The following APBB1IP variants were observed in gnomAD, a reference collection of about 807,000 sequenced individuals.
APBB1IP encodes amyloid beta A4 precursor protein-binding family B member 1-interacting protein.
A neutral mutation model predicts 64.9 loss-of-function variants in APBB1IP; 27 were observed. The observed-to-expected ratio is 0.42, with a 90% CI of 0.31 to 0.57. APBB1IP has a LOEUF of 0.57. APBB1IP is among the 20% of genes least tolerant of loss of function. APBB1IP has a pLI of 0.20. For synonymous variants in APBB1IP, 392 were observed against 331.0 expected, an observed-to-expected ratio of 1.18 and a Z score of -2.00; for missense variants, 812 against 845.5, an observed-to-expected ratio of 0.96 and a Z score of 0.49.
At chr10:26,501,261 C>CGGT in intron 5 of APBB1IP, 150 bp downstream of exon 5, 1 of 1,154,198 alleles carries the variant, frequency 8.7e-7, no homozygotes, top group Non-Finnish European at 1.2e-6. Flanking sequence ...CATTGCAAAG[C>CGGT]TAGAACCCTC....
At chr10:26,504,857 C>T (rs1836154941) in intron 6 of APBB1IP, among the ~76,000 whole-genome samples, 5 of 152,172 alleles carry the variant, frequency 3.3e-5, no homozygotes, top group Admixed American at 3.3e-4. Context: ...TGGGGTCAAG[C>T]AATCCTCCTC....
At chr10:26,545,672 A>G (rs1406597781) in intron 11 of APBB1IP, among the ~76,000 whole-genome samples, 2 of 151,944 alleles carry the variant, frequency 1.3e-5, no homozygotes, top group Admixed American at 6.5e-5. Context: ...AGGCAGGAGA[A>G]TGGCGTGAAC....
At chr10:26,496,490 A>G in intron 4 of APBB1IP, 99 bp downstream of exon 4, 1 of 913,694 alleles carries the variant, frequency 1.1e-6, no homozygotes, top group South Asian at 1.6e-5. Context: ...AAGGAACCTA[A>G]ACATCATGAT....
intron 8 of APBB1IP, among the ~76,000 whole-genome samples, chr10:26,522,816 A>G (rs1836419253): frequency 6.6e-6 from 1 of 152,068 alleles, no homozygotes; most frequent in African/African-American, 2.4e-5. Flanking sequence ...CCTGGCCAAC[A>G]TGATGAAACC....
intron 6 of APBB1IP, among the ~76,000 whole-genome samples, chr10:26,511,091 C>T (rs966823602): frequency 4.6e-5 from 7 of 151,892 alleles, no homozygotes; most frequent in Non-Finnish European, 7.4e-5. Flanking sequence ...CTGTGATCCC[C>T]GCACTTTGAG....
chr10:26,540,829 A>G (rs72805207), intron 10 of APBB1IP, among the ~76,000 whole-genome samples: 15 of 152,366 alleles, frequency 9.8e-5, no homozygotes, highest in Admixed American at 5.2e-4. Flanking sequence ...TGCCTGCAGT[A>G]AAGAGAACTT....
intron 2 of APBB1IP, among the ~76,000 whole-genome samples, chr10:26,450,950 C>T (rs566951856): frequency 2.7e-4 from 41 of 152,226 alleles, no homozygotes; most frequent in South Asian, 1.0e-3. Context: ...CCCGCCTCGT[C>T]CTCCCAAAGT....
intron 8 of APBB1IP, among the ~76,000 whole-genome samples, chr10:26,531,410 G>A (rs961816794): frequency 6.6e-6 from 1 of 152,114 alleles, no homozygotes; most frequent in Admixed American, 6.6e-5. Flanking sequence ...GCTCATGCCT[G>A]TAATCCCAGC....
chr10:26,526,842 A>G (rs1404822784), intron 8 of APBB1IP, among the ~76,000 whole-genome samples: 1 of 152,204 alleles, frequency 6.6e-6, no homozygotes, highest in Admixed American at 6.6e-5. Context: ...ATCACTATTG[A>G]TATTTTAGGC....
At chr10:26,508,218 C>CTATTTG (rs1433857262) in intron 6 of APBB1IP, among the ~76,000 whole-genome samples, 15 of 152,218 alleles carry the variant, frequency 9.9e-5, no homozygotes, top group Admixed American at 3.9e-4. Context: ...ATACTTTGCC[C>CTATTTG]TCAAGTATTC....
Position 26,567,293 on chromosome 10 carries a change from G to A in APBB1IP, c.1806G>A (p.Pro602=), listed in dbSNP as rs1005531139. 2.8e-6 allele frequency: 3 copies of A among 1,080,940 alleles called. No individual in the cohort carries two copies. The highest frequency in any genetic ancestry group is 1.8e-5 in the African/African-American group (1 of 56,852). The allele number at this position is 1,080,940 out of a possible 1,614,324, so 67.0% of individuals were successfully genotyped here. The change falls in exon 15 of 15, where the codon CCG becomes CCA. Residue 602 remains proline, a synonymous_variant. Transcript: ENST00000376236. ...GIAGSELPPP[P]PPPPAPAPAP... ...CGGGCTCAGAGCTGCCCCCGCCGCC[G>A]CCGCCGCCGCCCGCGCCCGCGCCCG...
chr10:26,517,234 G>T (rs1426863447), intron 8 of APBB1IP, among the ~76,000 whole-genome samples: 1 of 152,024 alleles, frequency 6.6e-6, no homozygotes, highest in African/African-American at 2.4e-5. Flanking sequence ...ATATCATAAT[G>T]GTACACTCTG....
At chr10:26,443,506 A>G (rs1835359256) in intron 2 of APBB1IP, among the ~76,000 whole-genome samples, 1 of 151,762 alleles carries the variant, frequency 6.6e-6, no homozygotes, top group Admixed American at 6.6e-5. Flanking sequence ...GAAAAAAAGA[A>G]TATGTAACTT....
rs56982662 is a variant in APBB1IP, at chr10:26,524,955, C to CTTTTTTTTT, written c.814-8473_814-8465dup. Among the ~76,000 whole-genome samples, 61 of 73,916 alleles carry CTTTTTTTTT rather than the reference C, an allele frequency of 8.3e-4. 3 individuals are homozygous for CTTTTTTTTT. The South Asian group carries it at 0.011, about 13-fold the overall frequency. The allele number at this position is 73,916 out of a possible 152,430, so 48.5% of individuals were successfully genotyped here. On this transcript the variant is annotated intron_variant, in intron 8 of 14. Coordinates refer to ENST00000376236, the MANE Select transcript of APBB1IP (RefSeq NM_019043.4). ...TCTTTTTCTTTCTCTTTCTTTCTTTCTTTTTTTTTTTTTTTTTTTATAAAA... is the reference window on the plus strand; with the variant it reads ...TCTTTTTCTTTCTCTTTCTTTCTTTCTTTTTTTTTTTTTTTTTTTTTTTTTTTTATAAAA...
chr10:26,505,549 T>G (rs915905794), intron 6 of APBB1IP, among the ~76,000 whole-genome samples: 2 of 152,136 alleles, frequency 1.3e-5, no homozygotes, highest in African/African-American at 2.4e-5. Context: ...CTCACTATGT[T>G]GCCCAGGTTG....
Position 26,441,460 on chromosome 10 carries a change from C to A in APBB1IP, c.-1+2607C>A, listed in dbSNP as rs147043482. Among the ~76,000 whole-genome samples, 302 of 152,272 alleles carry A rather than the reference C, an allele frequency of 2.0e-3. 1 individual carries two copies. The highest frequency in any genetic ancestry group is 6.4e-3 in the African/African-American group (267 of 41,548). On this transcript the variant is annotated intron_variant, in intron 2 of 14. Transcript: ENST00000376236. ...TGTACCTGCAGCTTGGAAGGGCAGA[C>A]CCTGAGGACAGCTTTTGGGGGACTA...
At chr10:26,561,828 T>A (rs1836976505) in intron 13 of APBB1IP, 1 of 152,346 alleles carries the variant, frequency 6.6e-6, no homozygotes, top group Admixed American at 6.5e-5. Context: ...CTGTCTGTTG[T>A]TTCTGTGTCC....
In APBB1IP at chr10:26,496,384, T is replaced by G. The variant is rs1389280552; in HGVS notation, c.153T>G (p.Asp51Glu). ...TTAACTACAGTGTGGGGTTTAAAGA[T>G]TTAAATGGTAAGCATAACAATTTCT... ...AEFNYSVGFKDLNESLNALED... is the reference protein window; with the variant it reads ...AEFNYSVGFKELNESLNALED... Residue 51 changes from aspartate (D) to glutamate (E), a missense_variant, in exon 4 of 15, where the codon GAT becomes GAG. By Grantham distance (45) the Asp-to-Glu change is conservative. Coordinates refer to ENST00000376236, the MANE Select transcript of APBB1IP (RefSeq NM_019043.4). The G allele has an allele frequency of 6.2e-6, 10 of 1,607,970 alleles. No individual in the cohort carries two copies. The highest frequency in any genetic ancestry group is 8.5e-6 in the Non-Finnish European group (10 of 1,175,118).
intron 2 of APBB1IP, among the ~76,000 whole-genome samples, chr10:26,487,710 T>C (rs1343250979): frequency 6.6e-6 from 1 of 152,164 alleles, no homozygotes; most frequent in Non-Finnish European, 1.5e-5. Flanking sequence ...ATTAACCTGT[T>C]ATATAGCAGT....
Sources: allele counts gnomAD v4.1 joint callset (sites outside exome capture counted in the v4.1 genomes callset), GRCh38; gene constraint gnomAD v4.1.1; transcripts MANE v1.5; gene names NCBI Gene and HGNC (gene_info 2026-07-23, HGNC 2026-07-21).